FER: variants seen among roughly 807,000 people sequenced by gnomAD.
The protein encoded by FER is FER tyrosine kinase, also known as tyrosine-protein kinase Fer.
Under a neutral mutation model 111.0 loss-of-function variants are expected in FER, and 63 were observed. The observed-to-expected ratio is 0.57, with a 90% confidence interval of 0.46 to 0.70. The LOEUF is 0.70. Among genes scored for constraint, FER ranks in the 30% least tolerant of loss-of-function variants. FER has a pLI of 0.00. For synonymous variants in FER, 327 were observed against 313.9 expected, an observed-to-expected ratio of 1.04 and a Z score of -0.44; for missense variants, 914 against 954.0, an observed-to-expected ratio of 0.96 and a Z score of 0.55.
At chr5:109,004,488 C>G (rs1765242470) in intron 13 of FER, among the ~76,000 whole-genome samples, 1 of 152,006 alleles carries the variant, frequency 6.6e-6, no homozygotes, top group South Asian at 2.1e-4. Context: ...CAACAAGGAG[C>G]TGTAAATGAC....
At chr5:109,073,126 G>A (rs1301531215) in intron 16 of FER, among the ~76,000 whole-genome samples, 1 of 152,092 alleles carries the variant, frequency 6.6e-6, no homozygotes, top group Non-Finnish European at 1.5e-5. Flanking sequence ...GAAGTCCCAG[G>A]TAGACATAAA....
rs1027597346 is a variant in FER, at chr5:109,071,544, A to G, written c.1924+24346A>G. On this transcript the variant is annotated intron_variant, in intron 16 of 19. Coordinates refer to ENST00000281092, the MANE Select transcript of FER (RefSeq NM_005246.4). ...ATCATCTTTTTCATATATTGTTCCTATTATGCTTGAAAATATACAAAGATC... is the reference window on the plus strand; with the variant it reads ...ATCATCTTTTTCATATATTGTTCCTGTTATGCTTGAAAATATACAAAGATC... Among the ~76,000 whole-genome samples the G allele has an allele frequency of 4.6e-5, 7 of 151,992 alleles. 1 individual carries two copies. The highest frequency in any genetic ancestry group is 1.2e-4 in the African/African-American group (5 of 41,432).
intron 17 of FER, among the ~76,000 whole-genome samples, chr5:109,134,252 A>C (rs1455128062): frequency 6.6e-6 from 1 of 152,156 alleles, no homozygotes; most frequent in African/African-American, 2.4e-5. Flanking sequence ...TGACTTGATT[A>C]GTCTGCTGTG....
intron 5 of FER, among the ~76,000 whole-genome samples, chr5:108,850,103 G>A (rs1197524315): frequency 6.6e-6 from 1 of 151,826 alleles, no homozygotes; most frequent in Non-Finnish European, 1.5e-5. Context: ...GCTGAGGCAG[G>A]AGAATTGCTT....
chr5:109,091,294 T>A (rs139944364), intron 16 of FER, among the ~76,000 whole-genome samples: 330 of 152,294 alleles, frequency 2.2e-3, no homozygotes, highest in African/African-American at 7.7e-3. Flanking sequence ...AAGTTTCTAA[T>A]CCTTGCATCC....
In FER at chr5:108,759,176, A is replaced by G. The variant is rs533426694; in HGVS notation, c.-205-8917A>G. On this transcript the variant is annotated intron_variant, in intron 1 of 19. Transcript: ENST00000281092. Reference sequence around the variant, plus strand: ...GGAAAATAGCATGTGGACAACAAAAACCCTTAATTGATATCCTACTTCATC... The same window carrying G: ...GGAAAATAGCATGTGGACAACAAAAGCCCTTAATTGATATCCTACTTCATC... Among the ~76,000 whole-genome samples, 3 of 152,212 alleles carry G rather than the reference A, an allele frequency of 2.0e-5. No individual in the cohort carries two copies. The South Asian group carries it at 6.2e-4, about 32-fold the overall frequency.
At chr5:108,965,969 A>G (rs1759756698) in intron 13 of FER, among the ~76,000 whole-genome samples, 1 of 152,198 alleles carries the variant, frequency 6.6e-6, no homozygotes, top group East Asian at 1.9e-4. Context: ...CTACCATGGT[A>G]CATATATTTA....
At chr5:109,055,862 AAAAAC>A (rs1773577634) in intron 16 of FER, among the ~76,000 whole-genome samples, 2 of 151,108 alleles carry the variant, frequency 1.3e-5, no homozygotes, top group Admixed American at 6.6e-5. Flanking sequence ...AAAAAAAAAA[AAAAAC>A]CCAAAAAACA....
intron 17 of FER, among the ~76,000 whole-genome samples, chr5:109,122,858 A>G (rs1751161096): frequency 6.6e-6 from 1 of 151,898 alleles, no homozygotes; most frequent in African/African-American, 2.4e-5. Flanking sequence ...CTTGAAAGCT[A>G]TTTGTTGTGA....
chr5:108,831,803 G>A (rs751121644), intron 3 of FER, among the ~76,000 whole-genome samples: 3 of 152,096 alleles, frequency 2.0e-5, no homozygotes, highest in Non-Finnish European at 4.4e-5. Context: ...AAATAATTCT[G>A]TTCATTCACA....
intron 13 of FER, among the ~76,000 whole-genome samples, chr5:109,029,527 T>C (rs546705043): frequency 2.1e-4 from 32 of 150,768 alleles, no homozygotes; most frequent in African/African-American, 7.6e-4. Context: ...CTGCCTCGGC[T>C]TCCCAAAGTG....
At chr5:109,013,536 A>G (rs1361244521) in intron 13 of FER, among the ~76,000 whole-genome samples, 3 of 149,746 alleles carry the variant, frequency 2.0e-5, no homozygotes, top group South Asian at 2.2e-4. Flanking sequence ...GCCGCAATAA[A>G]CATACGTGTG....
At chr5:109,127,186 G>A (rs759446480) in intron 17 of FER, among the ~76,000 whole-genome samples, 8 of 152,016 alleles carry the variant, frequency 5.3e-5, no homozygotes, top group South Asian at 2.1e-4. Context: ...TACTCTGGGG[G>A]CTTTGTCATA....
At chr5:108,845,468 C>T (rs139518299) in intron 5 of FER, among the ~76,000 whole-genome samples, 2 of 152,194 alleles carry the variant, frequency 1.3e-5, no homozygotes, top group African/African-American at 4.8e-5. Context: ...AGGCATGAGC[C>T]ACCGTGCCTG....
chr5:109,021,252 A>G (rs1767888993), intron 13 of FER, among the ~76,000 whole-genome samples: 1 of 152,018 alleles, frequency 6.6e-6, no homozygotes, highest in South Asian at 2.1e-4. Context: ...GTCTGTTAAG[A>G]TTTATTTGAC....
At chr5:108,887,632 C>T (rs368444988) in intron 9 of FER, among the ~76,000 whole-genome samples, 18 of 151,758 alleles carry the variant, frequency 1.2e-4, no homozygotes, top group East Asian at 1.2e-3. Context: ...TAATGTACTT[C>T]GTGCATTTAG....
chr5:108,846,913 A>C, intron 5 of FER, among the ~76,000 whole-genome samples: 1 of 152,044 alleles, frequency 6.6e-6, no homozygotes, highest in East Asian at 1.9e-4. Flanking sequence ...TTTCCTGATC[A>C]TTGTGACTAG....
rs2149882024 is a variant in FER at position 109,037,606 on chromosome 5, A to G, written c.1713+128A>G. 6.5e-6 allele frequency: 4 copies of G among 618,456 alleles called. No homozygotes were observed. In the East Asian group the frequency reaches 1.1e-4, roughly 17 times the overall value. 38.3% of individuals were successfully genotyped at this position (618,456 alleles called of 1,614,324 possible). A position where few individuals can be genotyped will look rare whatever the true frequency, so the allele number is the denominator to read the frequency against. On this transcript the variant is annotated intron_variant, in intron 14 of 19. Transcript: ENST00000281092. Reference sequence around the variant, plus strand: ...CACATTACACATTAACTAGAACACAATGCTATATCTTCTCAATATTGTGAT... The same window carrying G: ...CACATTACACATTAACTAGAACACAGTGCTATATCTTCTCAATATTGTGAT...
At chr5:109,084,166 C>T (rs1777298258) in intron 16 of FER, among the ~76,000 whole-genome samples, 1 of 151,986 alleles carries the variant, frequency 6.6e-6, no homozygotes, top group Non-Finnish European at 1.5e-5. Context: ...TCCTAACCAC[C>T]TTCGTCACCA....
Sources: allele counts gnomAD v4.1 joint callset (sites outside exome capture counted in the v4.1 genomes callset), GRCh38; gene constraint gnomAD v4.1.1; transcripts MANE v1.5; gene names NCBI Gene and HGNC (gene_info 2026-07-23, HGNC 2026-07-21).